COL12A1: variants seen among roughly 807,000 people sequenced by gnomAD.
The protein encoded by COL12A1 is collagen type XII alpha 1 chain.
In COL12A1, 114 loss-of-function variants were observed where a neutral mutation model predicts 349.7. The ratio of observed to expected loss-of-function variants is 0.33; its 90% CI spans 0.28 to 0.38. The LOEUF is 0.38. Ranked by LOEUF, COL12A1 falls within the 10% of genes least tolerant of loss-of-function variation. COL12A1 has a pLI of 1.00. For synonymous variants in COL12A1, 1,369 were observed against 1,329.0 expected (o/e 1.03, Z -0.66); for missense variants, 3,284 against 3,756.9 (o/e 0.87, Z 3.29).
chr6:75,115,016 A>ACTTAAAG (rs1209933342), intron 49 of COL12A1, among the ~76,000 whole-genome samples: 2 of 152,158 alleles, frequency 1.3e-5, no homozygotes, highest in Non-Finnish European at 2.9e-5. Context: ...AAGGAGTTAG[A>ACTTAAAG]GACTTACAAT....
chr6:75,089,074 T>C (rs773428396), intron 64 of COL12A1, 32 bp downstream of exon 64: 1 of 1,506,398 alleles, frequency 6.6e-7, no homozygotes, highest in African/African-American at 1.4e-5. Context: ...GTATTTATAG[T>C]CTTTGCCTGT....
At position 75,142,089 on chromosome 6, in the gene COL12A1, C is replaced by G. The variant is rs772992461; in HGVS notation, c.4900G>C (p.Val1634Leu). 6.2e-7 allele frequency: 1 copy of G among 1,614,156 alleles called. No homozygotes were observed. Among genetic ancestry groups the G allele is most frequent in the South Asian group, 1.1e-5 (1 of 91,090 alleles). ...TCCCCCTCGTCATGTACTGCAGAAA[C>G]GCTGACTGTGTACAAGGTCTGTGAG... ...LFSQTLYTVS[V>L]SAVHDEGESP... The change falls in exon 27 of 66, where the codon GTT becomes CTT. Residue 1634 changes from valine (V) to leucine (L), a missense_variant. By Grantham distance (32) the Val-to-Leu change is conservative. Transcript: ENST00000322507.
chr6:75,155,983 C>A, intron 15 of COL12A1, 129 bp from the exon 16 acceptor site: 1 of 994,882 alleles, frequency 1.0e-6, no homozygotes, highest in Non-Finnish European at 1.4e-6. Context: ...ATAGCATGTT[C>A]CATAGAAGTC....
intron 4 of COL12A1, 103 bp from the exon 5 acceptor site, chr6:75,191,863 A>T (rs1239276537): frequency 1.5e-6 from 1 of 648,260 alleles, no homozygotes; most frequent in Admixed American, 3.8e-5. Context: ...TGTCTCTTAA[A>T]TGTATGGCTC....
At position 75,138,551 on chromosome 6, in the gene COL12A1, C is replaced by G. The variant is rs771717015; in HGVS notation, c.5127G>C (p.Leu1709Phe). 6.2e-7 allele frequency: 1 copy of G among 1,613,712 alleles called. No individual in the cohort carries two copies. The highest frequency in any genetic ancestry group is 1.7e-5 in the Admixed American group (1 of 59,960). Residue 1709 changes from leucine (L) to phenylalanine (F), a missense_variant, in exon 29 of 66, where the codon TTG becomes TTC. Physicochemically the swap from Leu to Phe is conservative, Grantham distance 22. Coordinates refer to ENST00000322507, the MANE Select transcript of COL12A1 (RefSeq NM_004370.6). ...ETILNGDENT[L>F]VFENLNPNTI... ...TGTTGGGGTTCAGGTTTTCGAACAC[C>G]AAAGTGTTTTCATCTCCATTTAAGA... is the stretch of plus-strand genomic sequence containing the variant.
chr6:75,196,109 C>G (rs1770216156), intron 2 of COL12A1, among the ~76,000 whole-genome samples: 1 of 152,192 alleles, frequency 6.6e-6, no homozygotes, highest in South Asian at 2.1e-4. Flanking sequence ...ATGATATTCT[C>G]TCTACAATGT....
chr6:75,126,426 A>G lies in COL12A1; in HGVS notation c.6385T>C (p.Tyr2129His), dbSNP rs2149377213. 6.2e-7 allele frequency: 1 copy of G among 1,611,634 alleles called. No individual in the cohort carries two copies. Among genetic ancestry groups the G allele is most frequent in the Non-Finnish European group, 8.5e-7 (1 of 1,178,094 alleles). Residue 2129 changes from tyrosine (Y) to histidine (H), a missense_variant, in exon 39 of 66, where the codon TAT (tyrosine) becomes CAT (histidine). Physicochemically the swap from Tyr to His is moderately conservative, Grantham distance 83 (BLOSUM62 2). Coordinates refer to ENST00000322507, the MANE Select transcript of COL12A1 (RefSeq NM_004370.6). ...TCCCAGGACACCCTGAATCTTGTAT[A>G]CCATTCGTCAGAGATGTGTATGTTC... ...PQNIHISDEW[Y>H]TRFRVSWDPS...
intron 8 of COL12A1, among the ~76,000 whole-genome samples, chr6:75,185,983 C>T (rs1360384606): frequency 1.3e-5 from 2 of 152,164 alleles, no homozygotes; most frequent in Non-Finnish European, 2.9e-5. Flanking sequence ...GGATTACAGA[C>T]TTAAATGTAA....
At chr6:75,122,361 C>T (rs967361199) in intron 43 of COL12A1, among the ~76,000 whole-genome samples, 4 of 152,084 alleles carry the variant, frequency 2.6e-5, no homozygotes, top group African/African-American at 9.7e-5. Context: ...GTAGGTTCAT[C>T]GGTTGTAACA....
intron 2 of COL12A1, among the ~76,000 whole-genome samples, chr6:75,197,109 A>G (rs1443014770): frequency 6.6e-6 from 1 of 152,198 alleles, no homozygotes; most frequent in Non-Finnish European, 1.5e-5. Flanking sequence ...CTATTTGTAC[A>G]TTTGTTTGTT....
At position 75,147,733 on chromosome 6, in the gene COL12A1, A is replaced by G. The variant is rs749957138; in HGVS notation, c.4359T>C (p.Asn1453=). ...DLKPETEYVV[N]VYSVVEDEYS... ...ATTCATCTTCTACCACAGAATACAC[A>G]TTGACAACATATTCAGTTTCAGGTT... The change falls in exon 23 of 66, where the codon AAT becomes AAC. Residue 1453 remains asparagine, a synonymous_variant. Transcript: ENST00000322507. The G allele has an allele frequency of 3.1e-6, 5 of 1,613,416 alleles. No homozygotes were observed. Among genetic ancestry groups the G allele is most frequent in the East Asian group, 2.2e-5 (1 of 44,848 alleles).
intron 33 of COL12A1, 140 bp downstream of exon 33, chr6:75,133,718 T>G: frequency 1.0e-6 from 1 of 1,003,542 alleles, no homozygotes; most frequent in Non-Finnish European, 1.5e-6. Context: ...CATCAACTAT[T>G]TACCCTCTAT....
chr6:75,175,129 C>T lies in COL12A1; in HGVS notation c.2619G>A (p.Leu873=), dbSNP rs2149451975. ...GDTTNTVLQG[L]KEGTQYALSV... is the part of the protein sequence containing the mutation. ...ATAAGGCGTATTGTGTCCCTTCCTTCAATCCCTGCAGCACCGTATTGGTTG... is the reference window on the plus strand; with the variant it reads ...ATAAGGCGTATTGTGTCCCTTCCTTTAATCCCTGCAGCACCGTATTGGTTG... The change falls in exon 13 of 66, where the codon TTG becomes TTA. Residue 873 remains leucine, a synonymous_variant. Transcript: ENST00000322507. 6.2e-7 allele frequency: 1 copy of T among 1,614,194 alleles called. No individual in the cohort carries two copies. Among genetic ancestry groups the T allele is most frequent in the Non-Finnish European group, 8.5e-7 (1 of 1,180,036 alleles).
intron 13 of COL12A1, among the ~76,000 whole-genome samples, chr6:75,174,505 G>A (rs1422031017): frequency 1.3e-5 from 2 of 152,106 alleles, no homozygotes; most frequent in African/African-American, 2.4e-5. Context: ...GCAGTGAGCC[G>A]AGATAGCGCC....
At position 75,165,528 on chromosome 6, in the gene COL12A1, T is replaced by C. The variant is rs1768249789; in HGVS notation, c.2962A>G (p.Thr988Ala). Residue 988 changes from threonine (T) to alanine (A), a missense_variant, in exon 14 of 66, where the codon ACT (threonine) becomes GCT (alanine). Coordinates refer to ENST00000322507, the MANE Select transcript of COL12A1 (RefSeq NM_004370.6). ...TYSSGEGEPL[T>A]GDATTELSQD... is the part of the protein sequence containing the mutation. ...CTACATTCAGTTGTGGCATCTCCAG[T>C]CAAAGGTTCTCCTTCTCCACTGCTG... 1 of 1,613,750 alleles carries C rather than the reference T, an allele frequency of 6.2e-7. No individual in the cohort carries two copies. Among genetic ancestry groups the C allele is most frequent in the Non-Finnish European group, 8.5e-7 (1 of 1,179,828 alleles).
In COL12A1 at chr6:75,135,197, A is replaced by G. The variant is rs1582108632; in HGVS notation, c.5395-342T>C. ...CTAATCATAAGTGAGCTACAAAGGG[A>G]CTTTAAGATATGAAACAATTGCATA... On this transcript the variant is annotated intron_variant, in intron 31 of 65. Transcript: ENST00000322507. Among the ~76,000 whole-genome samples the G allele has an allele frequency of 2.0e-5, 3 of 152,318 alleles. No homozygotes were observed. In the South Asian group the frequency reaches 6.2e-4, roughly 32 times the overall value.
At chr6:75,196,877 C>A (rs997497685) in intron 2 of COL12A1, among the ~76,000 whole-genome samples, 3 of 152,168 alleles carry the variant, frequency 2.0e-5, no homozygotes, top group Non-Finnish European at 2.9e-5. Flanking sequence ...TAGCAGCCCC[C>A]CTTGTTGATA....
At chr6:75,187,874 A>C (rs1769717419) in intron 8 of COL12A1, among the ~76,000 whole-genome samples, 1 of 152,188 alleles carries the variant, frequency 6.6e-6, no homozygotes, top group African/African-American at 2.4e-5. Context: ...GGAGGATCAC[A>C]TTGACTGATC....
intron 14 of COL12A1, among the ~76,000 whole-genome samples, chr6:75,158,311 GCT>G (rs1188740820): frequency 6.6e-6 from 1 of 151,948 alleles, no homozygotes. Context: ...ACACCAAAGA[GCT>G]CTCTCTCTCT....
Sources: gnomAD v4.1 joint callset for allele counts (sites outside exome capture counted in the v4.1 genomes callset) on GRCh38, gnomAD v4.1.1 for gene constraint, MANE v1.5 for transcripts, NCBI Gene and HGNC (gene_info 2026-07-23, HGNC 2026-07-21) for gene names.